ROBO2: variants seen among roughly 807,000 people sequenced by gnomAD.
ROBO2 encodes roundabout homolog 2.
A neutral mutation model predicts 160.8 loss-of-function variants in ROBO2; 53 were observed. The ratio of observed to expected loss-of-function variants is 0.33; its 90% CI spans 0.26 to 0.41. The LOEUF (loss-of-function observed/expected upper bound fraction) is 0.41, where lower values mean the gene tolerates loss of function less well. Ranked by LOEUF, ROBO2 falls within the 10% of genes least tolerant of loss-of-function variation. The probability of loss-of-function intolerance (pLI) is 1.00; values close to 1 mark genes in which losing one functional copy is unlikely to be tolerated. For missense variants in ROBO2, 1,577 were observed against 1,722.4 expected (o/e 0.92, Z 1.49); for synonymous variants, 664 against 611.7 (o/e 1.09, Z -1.26).
chr3:77,291,906 A>G (rs1395585775), intron 2 of ROBO2, among the ~76,000 whole-genome samples: 2 of 151,986 alleles, frequency 1.3e-5, no homozygotes, highest in Non-Finnish European at 2.9e-5. Context: ...AGCTGAGGCT[A>G]GATCACCCCA....
chr3:76,853,270 T>C (rs1285625576), intron 2 of ROBO2, among the ~76,000 whole-genome samples: 6 of 152,100 alleles, frequency 3.9e-5, no homozygotes, highest in African/African-American at 1.4e-4. Flanking sequence ...AAATAGTTGG[T>C]AAGATTGCCA....
chr3:77,268,491 C>T (rs867256571), intron 2 of ROBO2, among the ~76,000 whole-genome samples: 1 of 152,076 alleles, frequency 6.6e-6, no homozygotes, highest in South Asian at 2.1e-4. Context: ...CTAAATGCCA[C>T]CTGAAAAAGA....
At chr3:76,130,482 A>T (rs140314571) in intron 2 of ROBO2, among the ~76,000 whole-genome samples, 181 of 152,240 alleles carry the variant, frequency 1.2e-3, no homozygotes, top group African/African-American at 4.2e-3. Context: ...TATCATTTAT[A>T]TAAATTTACA....
intron 2 of ROBO2, among the ~76,000 whole-genome samples, chr3:76,825,236 A>C (rs1305778944): frequency 1.3e-5 from 2 of 152,190 alleles, no homozygotes; most frequent in African/African-American, 4.8e-5. Context: ...GTCATTAAAC[A>C]GGACAAACAA....
chr3:76,587,451 G>A (rs1337010547), intron 2 of ROBO2, among the ~76,000 whole-genome samples: 1 of 152,112 alleles, frequency 6.6e-6, no homozygotes, highest in Non-Finnish European at 1.5e-5. Context: ...TTACAATTGT[G>A]GTGGAGGGGG....
intron 4 of ROBO2, among the ~76,000 whole-genome samples, chr3:77,490,990 A>G (rs982603248): frequency 6.6e-6 from 1 of 152,222 alleles, no homozygotes; most frequent in East Asian, 1.9e-4. Context: ...TGCTTATTCA[A>G]CAAGTTGCTT....
intron 16 of ROBO2, among the ~76,000 whole-genome samples, chr3:77,585,930 T>G (rs2094035210): frequency 6.6e-6 from 1 of 152,116 alleles, no homozygotes; most frequent in African/African-American, 2.4e-5. Flanking sequence ...TTTGTTTTAA[T>G]TAAATCATGT....
chr3:77,374,917 A>G lies in ROBO2; in HGVS notation c.389-102497A>G, dbSNP rs150231430. ...GACTTTTCTTTCAGTACAATAAGAT[A>G]TATGAATGGTGCTGGGCATGCTGGC... On this transcript the variant is annotated intron_variant, in intron 2 of 25. Coordinates refer to ENST00000461745, the Ensembl canonical transcript of ROBO2. 4.1e-3 allele frequency among the ~76,000 whole-genome samples: 620 copies of G among 152,380 alleles called. 2 individuals are homozygous for G. Among genetic ancestry groups the G allele is most frequent in the African/African-American group, 0.014 (574 of 41,598 alleles).
chr3:75,989,098 ATATT>A (rs1419147046), intron 2 of ROBO2, among the ~76,000 whole-genome samples: 7 of 151,934 alleles, frequency 4.6e-5, no homozygotes, highest in African/African-American at 1.7e-4. Flanking sequence ...GCATTATTAA[ATATT>A]TATTTTGTTG....
At chr3:76,110,578 T>G (rs1238969117) in intron 2 of ROBO2, among the ~76,000 whole-genome samples, 1 of 152,100 alleles carries the variant, frequency 6.6e-6, no homozygotes, top group Non-Finnish European at 1.5e-5. Flanking sequence ...GTTAAAACAT[T>G]TATAAAATAA....
chr3:76,606,228 T>C (rs1239945349), intron 2 of ROBO2, among the ~76,000 whole-genome samples: 1 of 152,206 alleles, frequency 6.6e-6, no homozygotes, highest in Non-Finnish European at 1.5e-5. Flanking sequence ...CATAAATCTA[T>C]GGAACTACCA....
intron 2 of ROBO2, among the ~76,000 whole-genome samples, chr3:76,894,331 G>T (rs546925521): frequency 4.5e-4 from 69 of 152,178 alleles, no homozygotes; most frequent in African/African-American, 1.6e-3. Flanking sequence ...CTGTAGATCA[G>T]ATTATTGTTG....
chr3:77,232,526 G>A (rs12487684), intron 2 of ROBO2, among the ~76,000 whole-genome samples: 102,251 of 152,062 alleles, frequency 0.67, 35,992 homozygotes, highest in Middle Eastern at 0.8. Flanking sequence ...TGAGTTAACT[G>A]TTTCTAAAAG....
chr3:77,066,789 G>A (rs1160892980), intron 1 of ROBO2, among the ~76,000 whole-genome samples: 1 of 152,050 alleles, frequency 6.6e-6, no homozygotes, highest in African/African-American at 2.4e-5. Context: ...TGTATTGGGA[G>A]ATTAGATTAA....
At chr3:77,448,551 G>T (rs573530068) in intron 2 of ROBO2, among the ~76,000 whole-genome samples, 20 of 152,226 alleles carry the variant, frequency 1.3e-4, no homozygotes, top group African/African-American at 4.6e-4. Context: ...GAGTTTTGAG[G>T]TTAGCAAGGC....
chr3:76,460,975 A>C (rs2078055590), intron 2 of ROBO2, among the ~76,000 whole-genome samples: 1 of 152,202 alleles, frequency 6.6e-6, no homozygotes, highest in South Asian at 2.1e-4. Context: ...TGCATCGATA[A>C]AATCTTAATA....
intron 2 of ROBO2, among the ~76,000 whole-genome samples, chr3:77,296,119 G>A (rs144981586): frequency 0.011 from 1,703 of 151,530 alleles, 21 homozygotes; most frequent in Non-Finnish European, 0.018. Flanking sequence ...GGTAGGCTGA[G>A]TCTAGATCAC....
At chr3:76,600,005 C>T (rs1314995712) in intron 2 of ROBO2, among the ~76,000 whole-genome samples, 1 of 152,166 alleles carries the variant, frequency 6.6e-6, no homozygotes, top group African/African-American at 2.4e-5. Flanking sequence ...TCTGTTTACT[C>T]TGTTGATAGT....
chr3:77,096,805 A>T (rs996654537), intron 1 of ROBO2, among the ~76,000 whole-genome samples: 2 of 152,160 alleles, frequency 1.3e-5, no homozygotes, highest in Non-Finnish European at 2.9e-5. Flanking sequence ...TTCACAGGGA[A>T]GTCACTGGTA....
Sources: allele counts gnomAD v4.1 joint callset (sites outside exome capture counted in the v4.1 genomes callset), GRCh38; gene constraint gnomAD v4.1.1; transcripts MANE v1.5; gene names NCBI Gene and HGNC (gene_info 2026-07-23, HGNC 2026-07-21).